The following MYO5B variants were observed in gnomAD, a reference collection of about 807,000 sequenced individuals.
The protein encoded by MYO5B is unconventional myosin-Vb.
Under a neutral mutation model 229.3 loss-of-function variants are expected in MYO5B, and 143 were observed. The ratio of observed to expected loss-of-function variants is 0.62; its 90% CI spans 0.54 to 0.72. The LOEUF (loss-of-function observed/expected upper bound fraction) is 0.72, where lower values mean the gene tolerates loss of function less well. Among genes scored for constraint, MYO5B ranks in the 30% least tolerant of loss-of-function variants. MYO5B has a pLI of 0.00. For synonymous variants in MYO5B, 918 were observed against 885.2 expected (o/e 1.04, Z -0.66); for missense variants, 2,321 against 2,331.0 (o/e 1.00, Z 0.09).
At chr18:49,842,263 A>T (rs2024067248) in intron 34 of MYO5B, among the ~76,000 whole-genome samples, 1 of 152,194 alleles carries the variant, frequency 6.6e-6, no homozygotes. Flanking sequence ...CTCACGAAAG[A>T]GGATCAAGGC....
At chr18:50,077,768 G>C (rs1400844435) in intron 1 of MYO5B, among the ~76,000 whole-genome samples, 1 of 152,132 alleles carries the variant, frequency 6.6e-6, no homozygotes, top group Non-Finnish European at 1.5e-5. Flanking sequence ...AAGAACAGTT[G>C]AACAGCAGTC....
chr18:50,046,566 T>C (rs957710799), intron 2 of MYO5B, among the ~76,000 whole-genome samples: 1 of 152,158 alleles, frequency 6.6e-6, no homozygotes, highest in Non-Finnish European at 1.5e-5. Flanking sequence ...ACAACAGCTA[T>C]CCTAGAAGAA....
At chr18:49,885,245 G>A (rs1474858266) in intron 22 of MYO5B, among the ~76,000 whole-genome samples, 1 of 152,188 alleles carries the variant, frequency 6.6e-6, no homozygotes, top group Non-Finnish European at 1.5e-5. Flanking sequence ...ATCTTCCAGA[G>A]GACTCGTCTC....
At chr18:50,103,262 C>G (rs948716433) in intron 1 of MYO5B, among the ~76,000 whole-genome samples, 1 of 152,234 alleles carries the variant, frequency 6.6e-6, no homozygotes, top group African/African-American at 2.4e-5. Context: ...AAGCCACTAT[C>G]TTAGTTTCCA....
chr18:50,180,885 G>A (rs574298091), intron 1 of MYO5B, among the ~76,000 whole-genome samples: 10 of 152,222 alleles, frequency 6.6e-5, no homozygotes, highest in African/African-American at 2.4e-4. Context: ...CCACTGTGTG[G>A]GCAGACCACA....
intron 2 of MYO5B, among the ~76,000 whole-genome samples, chr18:50,049,024 G>GAA: frequency 7.9e-6 from 1 of 126,598 alleles, no homozygotes; most frequent in South Asian, 2.7e-4. Flanking sequence ...TCCATCTCAG[G>GAA]AAAAAAAAAA....
chr18:49,971,953 A>G (rs954659082), intron 10 of MYO5B, among the ~76,000 whole-genome samples: 3 of 152,234 alleles, frequency 2.0e-5, no homozygotes, highest in African/African-American at 7.2e-5. Context: ...GAAAAAAACA[A>G]CATAGCATGC....
intron 12 of MYO5B, among the ~76,000 whole-genome samples, chr18:49,955,779 T>C (rs954728930): frequency 7.9e-5 from 12 of 152,194 alleles, no homozygotes; most frequent in African/African-American, 2.9e-4. Context: ...CCATATATAC[T>C]GTTTTATATT....
intron 1 of MYO5B, among the ~76,000 whole-genome samples, chr18:50,069,093 C>G (rs926866965): frequency 6.6e-5 from 10 of 151,876 alleles, no homozygotes; most frequent in African/African-American, 2.4e-4. Context: ...GTGCCTAGCC[C>G]AAGAACACTC....
chr18:49,937,906 C>T (rs2025269010), intron 14 of MYO5B, among the ~76,000 whole-genome samples: 1 of 152,150 alleles, frequency 6.6e-6, no homozygotes, highest in African/African-American at 2.4e-5. Context: ...AAAATATTCC[C>T]AGACTTTTAG....
In MYO5B at chr18:49,912,148, G is replaced by A. The variant is rs771897253; in HGVS notation, c.2116C>T (p.Arg706Trp). 5.6e-6 allele frequency: 9 copies of A among 1,613,848 alleles called. No individual in the cohort carries two copies. Among genetic ancestry groups the A allele is most frequent in the African/African-American group, 2.7e-5 (2 of 74,862 alleles). ...SRWAYHDFFN[R>W]YRVLVKKREL... is the part of the protein sequence containing the mutation. The stretch of plus-strand genomic sequence containing the variant: ...CTCTTCTTGACCAGCACCCGATACC[G>A]GTTGAAAAAGTCATGGTAGGCCCAC... Residue 706 changes from arginine (R) to tryptophan (W), a missense_variant, in exon 18 of 40, where the codon CGG becomes TGG. By Grantham distance (101) the Arg-to-Trp change is moderately radical. Coordinates refer to ENST00000285039, the MANE Select transcript of MYO5B (RefSeq NM_001080467.3).
chr18:50,159,624 C>T (rs952793467), intron 1 of MYO5B, among the ~76,000 whole-genome samples: 3 of 152,198 alleles, frequency 2.0e-5, no homozygotes, highest in Admixed American at 1.3e-4. Flanking sequence ...TCCTCCCCCA[C>T]AGACTTGTCT....
Position 49,839,133 on chromosome 18 carries a change from T to C in MYO5B, c.4852+11A>G. 1 of 1,612,776 alleles carries C rather than the reference T, an allele frequency of 6.2e-7. No individual in the cohort carries two copies. ...ATGATGAGTGATGTAGCTCTCCTGC[T>C]GCCAGCTTACCTATCATCGGCTGTA... On this transcript the variant is annotated intron_variant, in intron 36 of 39. Transcript: ENST00000285039.
At chr18:49,976,341 A>C (rs1321499955) in intron 9 of MYO5B, among the ~76,000 whole-genome samples, 3 of 152,202 alleles carry the variant, frequency 2.0e-5, no homozygotes, top group Non-Finnish European at 4.4e-5. Flanking sequence ...CATCTACCCA[A>C]AACAGTTATA....
At chr18:50,163,323 C>T (rs1051298242) in intron 1 of MYO5B, among the ~76,000 whole-genome samples, 2 of 152,222 alleles carry the variant, frequency 1.3e-5, no homozygotes, top group African/African-American at 4.8e-5. Flanking sequence ...TCGTTCATGT[C>T]AGGGTGGTAC....
intron 29 of MYO5B, among the ~76,000 whole-genome samples, chr18:49,861,539 AGT>A (rs2024329348): frequency 6.6e-6 from 1 of 152,238 alleles, no homozygotes. Context: ...GCACTGAGAG[AGT>A]CACCTTCATT....
intron 1 of MYO5B, among the ~76,000 whole-genome samples, chr18:50,159,619 C>T (rs1027477414): frequency 1.3e-5 from 2 of 152,122 alleles, no homozygotes; most frequent in Non-Finnish European, 2.9e-5. Context: ...CCAAATCCTC[C>T]CCCACAGACT....
intron 1 of MYO5B, among the ~76,000 whole-genome samples, chr18:50,056,840 G>C (rs2030563306): frequency 6.6e-6 from 1 of 151,170 alleles, no homozygotes; most frequent in East Asian, 2.0e-4. Flanking sequence ...TAAGGCAACA[G>C]AATCAGAATA....
At chr18:49,851,812 G>A (rs1481907044) in intron 31 of MYO5B, among the ~76,000 whole-genome samples, 1 of 152,182 alleles carries the variant, frequency 6.6e-6, no homozygotes, top group Non-Finnish European at 1.5e-5. Flanking sequence ...TGAGGTCAGT[G>A]CTTCACCAGC....
Sources: gnomAD v4.1 joint callset for allele counts (sites outside exome capture counted in the v4.1 genomes callset) on GRCh38, gnomAD v4.1.1 for gene constraint, MANE v1.5 for transcripts, NCBI Gene and HGNC (gene_info 2026-07-23, HGNC 2026-07-21) for gene names.